Variants in DYDC2 observed in about 807,000 individuals in gnomAD.
DYDC2 encodes DPY30 domain containing 2.
DYDC2 carries 19 observed loss-of-function variants against 18.7 expected under a neutral mutation model. The ratio of observed to expected loss-of-function variants is 1.02; its 90% CI spans 0.71 to 1.49. The LOEUF is 1.49. DYDC2 is among the 40% of genes most tolerant of loss of function. The probability of loss-of-function intolerance (pLI) is 0.00; values close to 1 mark genes in which losing one functional copy is unlikely to be tolerated. For synonymous variants in DYDC2, 63 were observed against 67.6 expected (o/e 0.93, Z 0.34); for missense variants, 179 against 205.1 (o/e 0.87, Z 0.78).
At chr10:80,358,922 G>A (rs755274878) in intron 2 of DYDC2, among the ~76,000 whole-genome samples, 16 of 152,306 alleles carry the variant, frequency 1.1e-4, no homozygotes, top group Admixed American at 3.3e-4. Flanking sequence ...TCTCCCTTCA[G>A]AAGTGAAGCT....
At chr10:80,362,724 T>C (rs572856642) in intron 3 of DYDC2, 134 bp downstream of exon 3, 26 of 1,421,592 alleles carry the variant, frequency 1.8e-5, no homozygotes, top group Admixed American at 2.4e-5. Context: ...GAGCCAGATA[T>C]CCCTGAAGCA....
intron 1 of DYDC2, among the ~76,000 whole-genome samples, chr10:80,350,915 C>A (rs1589517950): frequency 6.6e-6 from 1 of 152,172 alleles, no homozygotes. Context: ...AATCATGCTA[C>A]CCCAATCCTG....
At chr10:80,352,943 T>C (rs966600901), upstream of DYDC2, among the ~76,000 whole-genome samples, 1 of 152,062 alleles carries the variant, frequency 6.6e-6, no homozygotes, top group African/African-American at 2.4e-5. Flanking sequence ...ACCTGAAAAA[T>C]GGGTATCATC....
intron 1 of DYDC2, among the ~76,000 whole-genome samples, chr10:80,345,448 T>C (rs1327134555): frequency 6.6e-6 from 1 of 152,174 alleles, no homozygotes; most frequent in Admixed American, 6.5e-5. Flanking sequence ...AAATCTACTC[T>C]CTTAAAAATT....
In DYDC2 at chr10:80,367,181, CTT is replaced by C; in HGVS notation, c.*231_*232del. On this transcript the variant is annotated 3_prime_UTR_variant, in exon 5 of 5. Coordinates refer to ENST00000256039, the MANE Select transcript of DYDC2 (RefSeq NM_032372.6). ...AACCAAGTGGCTGTGACTTTTTCCT[CTT>C]GTTTTATCAACGTTTTGGAGACTAC... is the stretch of plus-strand genomic sequence containing the variant. 4.2e-6 allele frequency: 2 copies of C among 481,026 alleles called. No individual in the cohort carries two copies. The highest frequency in any genetic ancestry group is 3.8e-5 in the East Asian group (1 of 26,530). 29.8% of individuals were successfully genotyped at this position (481,026 alleles called of 1,614,324 possible). A position where few individuals can be genotyped will look rare whatever the true frequency, so the allele number is the denominator to read the frequency against.
chr10:80,364,534 T>G (rs1001186647), intron 4 of DYDC2, among the ~76,000 whole-genome samples: 54 of 152,368 alleles, frequency 3.5e-4, no homozygotes, highest in African/African-American at 1.3e-3. Context: ...GGAAAATTTC[T>G]CGGTTCACAT....
At chr10:80,349,542 G>A (rs894967475) in intron 1 of DYDC2, among the ~76,000 whole-genome samples, 1 of 152,142 alleles carries the variant, frequency 6.6e-6, no homozygotes, top group Non-Finnish European at 1.5e-5. Context: ...ATTTGCAAAA[G>A]CTTTTAAAGG....
chr10:80,359,054 G>A (rs187645761), intron 2 of DYDC2, among the ~76,000 whole-genome samples: 2 of 152,196 alleles, frequency 1.3e-5, no homozygotes, highest in South Asian at 2.1e-4. Context: ...GGAACCCAGA[G>A]CAGGTTGCAG....
intron 2 of DYDC2, 117 bp downstream of exon 2, chr10:80,358,162 G>C (rs1043554166): frequency 1.5e-4 from 105 of 706,444 alleles, no homozygotes; most frequent in Non-Finnish European, 1.8e-4. Flanking sequence ...CGGATCACCT[G>C]AGGTGAGGAA....
Position 80,366,695 on chromosome 10 carries a change from C to G in DYDC2, c.278C>G (p.Thr93Ser), listed in dbSNP as rs1350398293. 6.2e-7 allele frequency: 1 copy of G among 1,600,368 alleles called. No homozygotes were observed. Among genetic ancestry groups the G allele is most frequent in the Non-Finnish European group, 8.5e-7 (1 of 1,173,980 alleles). Residue 93 changes from threonine (T) to serine (S), a missense_variant, in exon 5 of 5, where the codon ACT becomes AGT. Thr to Ser is a moderately conservative substitution (Grantham distance 58, BLOSUM62 1). Transcript: ENST00000256039. ...QNCEKCHKEL[T>S]SETVSTKKTI... ...TTTTTGTTTTCTATTTAGGAACTGA[C>G]TTCTGAAACTGTTTCCACGAAGAAG...
chr10:80,354,505 A>T (rs970597483), upstream of DYDC2: 2 of 152,040 alleles, frequency 1.3e-5, no homozygotes, highest in African/African-American at 4.8e-5. Flanking sequence ...AAAAAAAAAA[A>T]AGAATACCTA....
At chr10:80,351,631 ATT>A (rs1842982594) in intron 1 of DYDC2, among the ~76,000 whole-genome samples, 2 of 152,252 alleles carry the variant, frequency 1.3e-5, no homozygotes, top group African/African-American at 2.4e-5. Context: ...CACACTCTGT[ATT>A]TTCCTCTTAC....
chr10:80,352,411 C>T (rs768058209), upstream of DYDC2: 8 of 1,502,952 alleles, frequency 5.3e-6, no homozygotes, highest in African/African-American at 1.0e-4. Context: ...CAAGTTGGAC[C>T]AGTTTTTTTT....
chr10:80,359,070 G>A (rs892080637), intron 2 of DYDC2, among the ~76,000 whole-genome samples: 4 of 152,228 alleles, frequency 2.6e-5, no homozygotes, highest in Admixed American at 1.3e-4. Flanking sequence ...TGCAGCTGCT[G>A]GCTCAGGCAG....
Position 80,366,056 on chromosome 10 carries a change from G to T in DYDC2, c.271-632G>T, listed in dbSNP as rs111579493. On this transcript the variant is annotated intron_variant, in intron 4 of 4. Transcript: ENST00000256039. Reference sequence around the variant, plus strand: ...TTTTTTTTTTTTTTTTTTTTGAGACGGAGTCTCACTTTGTCACCCAAGCTG... The same window carrying T: ...TTTTTTTTTTTTTTTTTTTTGAGACTGAGTCTCACTTTGTCACCCAAGCTG... Among the ~76,000 whole-genome samples, 15 of 105,366 alleles carry T rather than the reference G, an allele frequency of 1.4e-4. No individual in the cohort carries two copies. The Admixed American group carries it at 1.6e-3, about 11-fold the overall frequency. 69.1% of individuals were successfully genotyped at this position (105,366 alleles called of 152,430 possible). A position where few individuals can be genotyped will look rare whatever the true frequency, so the allele number is the denominator to read the frequency against.
At chr10:80,352,558 G>A (rs771350208), upstream of DYDC2, 1 of 1,613,462 alleles carries the variant, frequency 6.2e-7, no homozygotes, top group Non-Finnish European at 8.5e-7. Context: ...AAGACCTTGA[G>A]TTAAACAGGC....
upstream of DYDC2, among the ~76,000 whole-genome samples, chr10:80,355,599 G>C (rs1253185224): frequency 1.3e-5 from 2 of 152,108 alleles, no homozygotes; most frequent in Non-Finnish European, 2.9e-5. Context: ...TCAAATTGGG[G>C]ATTAATAAGA....
At chr10:80,349,265 T>C (rs754126018) in intron 1 of DYDC2, among the ~76,000 whole-genome samples, 3 of 152,232 alleles carry the variant, frequency 2.0e-5, no homozygotes, top group Non-Finnish European at 4.4e-5. Context: ...TGAAATGTTA[T>C]CTTTTAAAAA....
chr10:80,360,501 C>T (rs72815345), intron 2 of DYDC2, among the ~76,000 whole-genome samples: 13,814 of 152,168 alleles, frequency 0.091, 710 homozygotes, highest in Middle Eastern at 0.12. Context: ...TCTCAAGATC[C>T]TTAATTTAAT....
Sources: allele counts gnomAD v4.1 joint callset (sites outside exome capture counted in the v4.1 genomes callset), GRCh38; gene constraint gnomAD v4.1.1; transcripts MANE v1.5; gene names NCBI Gene and HGNC (gene_info 2026-07-23, HGNC 2026-07-21).